Variants in SLIT2 observed in about 807,000 individuals in gnomAD.
SLIT2 encodes slit guidance ligand 2, also known as slit homolog 2 protein.
In SLIT2, 41 loss-of-function variants were observed where a neutral mutation model predicts 185.7. The observed-to-expected ratio is 0.22, with a 90% CI of 0.17 to 0.29. The LOEUF is 0.29. Among genes scored for constraint, SLIT2 ranks in the 10% least tolerant of loss-of-function variants. SLIT2 has a pLI of 1.00. For missense variants in SLIT2, 1,571 were observed against 1,909.0 expected (o/e 0.82, Z 3.30); for synonymous variants, 693 against 680.2 (o/e 1.02, Z -0.29).
At chr4:20,536,083 C>G (rs767023013) in intron 18 of SLIT2, among the ~76,000 whole-genome samples, 50 of 152,038 alleles carry the variant, frequency 3.3e-4, no homozygotes, top group Admixed American at 2.4e-3. Flanking sequence ...TCTAAACATA[C>G]TAAACAGAAA....
intron 4 of SLIT2, among the ~76,000 whole-genome samples, chr4:20,443,441 A>C (rs1398854763): frequency 3.9e-5 from 6 of 152,158 alleles, no homozygotes; most frequent in Admixed American, 2.6e-4. Context: ...ATTTTCTCAT[A>C]AACTTTAAAT....
At chr4:20,343,937 G>A (rs755008689) in intron 4 of SLIT2, among the ~76,000 whole-genome samples, 3 of 151,748 alleles carry the variant, frequency 2.0e-5, no homozygotes, top group Non-Finnish European at 2.9e-5. Flanking sequence ...TGTAACCTCC[G>A]CCTCCTGGGT....
chr4:20,508,418 A>T (rs1490080215), intron 9 of SLIT2, among the ~76,000 whole-genome samples: 1 of 152,052 alleles, frequency 6.6e-6, no homozygotes, highest in Non-Finnish European at 1.5e-5. Context: ...GTCCAATAAT[A>T]AGAAAGAATT....
At chr4:20,318,475 G>T (rs1718784574) in intron 4 of SLIT2, among the ~76,000 whole-genome samples, 1 of 152,154 alleles carries the variant, frequency 6.6e-6, no homozygotes, top group Non-Finnish European at 1.5e-5. Context: ...CGGGAAACTA[G>T]AAGAAAATAA....
At chr4:20,349,578 G>T (rs944044330) in intron 4 of SLIT2, among the ~76,000 whole-genome samples, 1 of 152,198 alleles carries the variant, frequency 6.6e-6, no homozygotes, top group Non-Finnish European at 1.5e-5. Context: ...GCTAGTTTTT[G>T]ATGTGAACTT....
chr4:20,300,185 C>G (rs1161868957), intron 4 of SLIT2, among the ~76,000 whole-genome samples: 1 of 151,828 alleles, frequency 6.6e-6, no homozygotes, highest in African/African-American at 2.4e-5. Flanking sequence ...TTTTTTAAAA[C>G]CACATACCTT....
chr4:20,409,516 G>C (rs1446228718), intron 4 of SLIT2, among the ~76,000 whole-genome samples: 1 of 152,102 alleles, frequency 6.6e-6, no homozygotes, highest in Non-Finnish European at 1.5e-5. Flanking sequence ...AGTGTGAATA[G>C]GGCTTCAGTG....
At chr4:20,595,091 A>T (rs577196845) in intron 30 of SLIT2, among the ~76,000 whole-genome samples, 1 of 152,176 alleles carries the variant, frequency 6.6e-6, no homozygotes, top group East Asian at 1.9e-4. Flanking sequence ...GGCCCCGTGA[A>T]TTTTCTATCA....
chr4:20,525,753 C>T (rs1339170259), intron 15 of SLIT2, among the ~76,000 whole-genome samples: 2 of 152,102 alleles, frequency 1.3e-5, no homozygotes, highest in Admixed American at 1.3e-4. Context: ...TATGACTTTA[C>T]ATTCTTCTAT....
At chr4:20,569,492 C>T (rs1360934571) in intron 29 of SLIT2, among the ~76,000 whole-genome samples, 4 of 152,046 alleles carry the variant, frequency 2.6e-5, no homozygotes, top group African/African-American at 4.8e-5. Context: ...TTTGGATAGT[C>T]TTATAAGACT....
At position 20,620,411 on chromosome 4, in the gene SLIT2, T is replaced by G. The variant is rs928059077; in HGVS notation, c.*1402T>G. On this transcript the variant is annotated 3_prime_UTR_variant, in exon 37 of 37. Transcript: ENST00000504154. ...CCCTCATTAAAATCCCAGGGTGCCC[T>G]GTAAAGATGCAGATGTTTCTTCCTG... 3 of 455,638 alleles carry G rather than the reference T, an allele frequency of 6.6e-6. No homozygotes were observed. Among genetic ancestry groups the G allele is most frequent in the East Asian group, 6.9e-5 (1 of 14,402 alleles). The allele number at this position is 455,638 out of a possible 1,614,324, so 28.2% of individuals were successfully genotyped here. A position where few individuals can be genotyped will look rare whatever the true frequency, so the allele number is the denominator to read the frequency against.
chr4:20,524,838 T>C (rs1257986871), intron 14 of SLIT2, among the ~76,000 whole-genome samples: 1 of 152,250 alleles, frequency 6.6e-6, no homozygotes, highest in African/African-American at 2.4e-5. Context: ...TTTGATCTAA[T>C]ATTTTCCTTT....
chr4:20,533,791 A>G (rs1577873692), intron 18 of SLIT2, 76 bp downstream of exon 18: 3 of 1,371,950 alleles, frequency 2.2e-6, no homozygotes, highest in African/African-American at 1.4e-5. Context: ...CCTGGGAGAG[A>G]GAAACACCTA....
chr4:20,413,824 A>G (rs935065056), intron 4 of SLIT2, among the ~76,000 whole-genome samples: 1 of 152,050 alleles, frequency 6.6e-6, no homozygotes, highest in East Asian at 1.9e-4. Flanking sequence ...GTATCTTTAT[A>G]TGGCATCTAG....
intron 26 of SLIT2, among the ~76,000 whole-genome samples, chr4:20,562,289 C>T (rs1247841317): frequency 6.6e-6 from 1 of 151,720 alleles, no homozygotes; most frequent in African/African-American, 2.4e-5. Context: ...TCTTGGCTTC[C>T]TCATTCCTTT....
rs1221052137 is a variant in SLIT2, at chr4:20,252,835, TC to T, written c.-979del. Among the ~76,000 whole-genome samples, 1 of 152,162 alleles carries T rather than the reference TC, an allele frequency of 6.6e-6. No homozygotes were observed. The highest frequency in any genetic ancestry group is 1.5e-5 in the Non-Finnish European group (1 of 68,028). On this transcript the variant is annotated 5_prime_UTR_variant, in exon 1 of 37. Coordinates refer to ENST00000504154, the MANE Select transcript of SLIT2 (RefSeq NM_004787.4). Reference sequence around the variant, plus strand: ...CACCTCCAACCTTGGCCTTTGCCTTTCCACTCCTTCCGGTCTGCCTGGTTTT... The same window carrying T: ...CACCTCCAACCTTGGCCTTTGCCTTTCACTCCTTCCGGTCTGCCTGGTTTT...
intron 4 of SLIT2, among the ~76,000 whole-genome samples, chr4:20,313,492 G>A (rs1718299004): frequency 6.6e-6 from 1 of 152,160 alleles, no homozygotes; most frequent in African/African-American, 2.4e-5. Context: ...CACACTGGAG[G>A]TCACATTTCA....
In SLIT2 at chr4:20,542,601, G is replaced by C. The variant is rs756623972; in HGVS notation, c.2251G>C (p.Gly751Arg). ...SNKGLKVLPK[G>R]IPRDVTELYL... ...CAAGGGTTTGAAGGTCTTGCCGAAA[G>C]GTATTCCAAGAGATGTCACAGAGTT... The change falls in exon 21 of 37, where the codon GGT becomes CGT. Residue 751 changes from glycine to arginine, a missense_variant. By Grantham distance (125) the Gly-to-Arg change is moderately radical. Around this residue, in one of 3 missense-constraint regions of SLIT2, gnomAD observed 1,202 missense variants for 1,416.4 expected, o/e 0.85. Coordinates refer to ENST00000504154, the MANE Select transcript of SLIT2 (RefSeq NM_004787.4). 1 of 1,613,764 alleles carries C rather than the reference G, an allele frequency of 6.2e-7. No homozygotes were observed. The highest frequency in any genetic ancestry group is 1.7e-5 in the Admixed American group (1 of 59,996).
At chr4:20,471,432 TAAG>T (rs1469192353) in intron 5 of SLIT2, among the ~76,000 whole-genome samples, 2 of 152,144 alleles carry the variant, frequency 1.3e-5, no homozygotes, top group Admixed American at 1.3e-4. Context: ...GTATTTGGTG[TAAG>T]AAGAAGGTAC....
Sources: allele counts gnomAD v4.1 joint callset (sites outside exome capture counted in the v4.1 genomes callset), GRCh38; gene constraint gnomAD v4.1.1; regional missense constraint gnomAD v4.1.1; transcripts MANE v1.5; gene names NCBI Gene and HGNC (gene_info 2026-07-23, HGNC 2026-07-21).